The following KCNIP3 variants were observed in gnomAD, a reference collection of about 807,000 sequenced individuals.
The protein encoded by KCNIP3 is calsenilin.
A neutral mutation model predicts 35.0 loss-of-function variants in KCNIP3; 28 were observed. The ratio of observed to expected loss-of-function variants is 0.80; its 90% CI spans 0.59 to 1.10. The LOEUF (loss-of-function observed/expected upper bound fraction) is 1.10. Among genes scored for constraint, KCNIP3 ranks in the 50% least tolerant of loss-of-function variants. The probability of loss-of-function intolerance (pLI) is 0.00; values close to 1 mark genes in which losing one functional copy is unlikely to be tolerated. For missense variants in KCNIP3, 295 were observed against 338.4 expected (o/e 0.87, Z 1.01); for synonymous variants, 134 against 133.8 (o/e 1.00, Z -0.01).
At chr2:95,315,735 C>T (rs773734883) in intron 2 of KCNIP3, among the ~76,000 whole-genome samples, 8 of 151,966 alleles carry the variant, frequency 5.3e-5, no homozygotes, top group South Asian at 2.1e-4. Flanking sequence ...AAGTCACCTC[C>T]GAAAGTTTTT....
rs940031260 is a variant in KCNIP3, at chr2:95,346,296, G to A, written c.182-28000G>A. Among the ~76,000 whole-genome samples, 35 of 151,650 alleles carry A rather than the reference G, an allele frequency of 2.3e-4. No individual in the cohort carries two copies. The East Asian group carries it at 2.4e-3, about 10-fold the overall frequency. On this transcript the variant is annotated intron_variant, in intron 2 of 8. Coordinates refer to ENST00000295225, the MANE Select transcript of KCNIP3 (RefSeq NM_013434.5). ...AGCGCCTCCCCGGGAGAGCGCAGCC[G>A]CCGCCCCCTCCTCTCGGGCTCCCGG...
rs1187969010 is a variant in KCNIP3, at chr2:95,378,779, TACACAC to T, written c.448-2805_448-2800del. Among the ~76,000 whole-genome samples, 1 of 148,302 alleles carries T rather than the reference TACACAC, an allele frequency of 6.7e-6. No homozygotes were observed. Among genetic ancestry groups the T allele is most frequent in the African/African-American group, 2.5e-5 (1 of 40,112 alleles). On this transcript the variant is annotated intron_variant, in intron 5 of 8. Transcript: ENST00000295225. The surrounding 1 kb of genome is among the most constrained non-coding windows in gnomAD (Gnocchi z 4.0). ...AACAAAAACAAAATATATATATATATACACACACACACACACATATATATATATACA... is the reference window on the plus strand; with the variant it reads ...AACAAAAACAAAATATATATATATATACACACACACATATATATATATACA...
chr2:95,372,199 G>C (rs1680056515), intron 2 of KCNIP3, among the ~76,000 whole-genome samples: 1 of 151,840 alleles, frequency 6.6e-6, no homozygotes, highest in Non-Finnish European at 1.5e-5. Flanking sequence ...TTAATCAAAG[G>C]ATTCTTACCA....
chr2:95,364,293 A>T (rs1199762765), intron 2 of KCNIP3, among the ~76,000 whole-genome samples: 3 of 152,130 alleles, frequency 2.0e-5, no homozygotes, highest in South Asian at 2.1e-4. Flanking sequence ...TAAGATTTTC[A>T]TGTGATTTTT....
At chr2:95,370,373 T>TA (rs1680014823) in intron 2 of KCNIP3, among the ~76,000 whole-genome samples, 1 of 152,248 alleles carries the variant, frequency 6.6e-6, no homozygotes, top group Non-Finnish European at 1.5e-5. Context: ...AGCATGCGCT[T>TA]ACTCAAGGAT....
chr2:95,382,599 A>G lies in KCNIP3; in HGVS notation c.660+118A>G, dbSNP rs2104309470. 1 of 633,164 alleles carries G rather than the reference A, an allele frequency of 1.6e-6. No homozygotes were observed. 39.2% of individuals were successfully genotyped at this position (633,164 alleles called of 1,614,324 possible). On this transcript the variant is annotated intron_variant, in intron 7 of 8. Coordinates refer to ENST00000295225, the MANE Select transcript of KCNIP3 (RefSeq NM_013434.5). The surrounding 1 kb of genome is among the most constrained non-coding windows in gnomAD (Gnocchi z 4.5). ...CTGAGCCTCCCTACTCCCCATGAGG[A>G]GGTTAAACTTGCCCCTCCAGTCTGG... is the stretch of plus-strand genomic sequence containing the variant.
At chr2:95,323,142 TGACTGGCGAGATG>T (rs375831146) in intron 2 of KCNIP3, among the ~76,000 whole-genome samples, 4 of 152,304 alleles carry the variant, frequency 2.6e-5, no homozygotes, top group African/African-American at 9.6e-5. Flanking sequence ...AAGGACGTGA[TGACTGGCGAGATG>T]GGCAGGGCAG....
chr2:95,360,312 T>C (rs1447922157), intron 2 of KCNIP3, among the ~76,000 whole-genome samples: 1 of 152,164 alleles, frequency 6.6e-6, no homozygotes, highest in Admixed American at 6.5e-5. Context: ...AATACCTTAT[T>C]CCTCAATTCC....
chr2:95,366,103 T>C (rs1203904970), intron 2 of KCNIP3, among the ~76,000 whole-genome samples: 3 of 152,160 alleles, frequency 2.0e-5, no homozygotes, highest in Admixed American at 6.5e-5. Context: ...CACCTCAGCC[T>C]CCTGAGAGGT....
chr2:95,317,181 G>T (rs1678478979), intron 2 of KCNIP3, among the ~76,000 whole-genome samples: 1 of 152,218 alleles, frequency 6.6e-6, no homozygotes, highest in Non-Finnish European at 1.5e-5. Context: ...CCTAGGCAGG[G>T]GACTGTGTGA....
chr2:95,356,834 C>T (rs1482731911), intron 2 of KCNIP3, among the ~76,000 whole-genome samples: 6 of 152,160 alleles, frequency 3.9e-5, no homozygotes, highest in East Asian at 1.9e-4. Context: ...ACTTCTTGCC[C>T]GAAATGACCC....
chr2:95,306,375 C>T (rs1185690702), intron 1 of KCNIP3, among the ~76,000 whole-genome samples: 2 of 152,182 alleles, frequency 1.3e-5, no homozygotes, highest in Non-Finnish European at 2.9e-5. Context: ...GTGAGGATCT[C>T]TTGGGTGCCA....
intron 2 of KCNIP3, among the ~76,000 whole-genome samples, chr2:95,315,725 A>C (rs747939905): frequency 6.6e-6 from 1 of 152,020 alleles, no homozygotes; most frequent in Admixed American, 6.6e-5. Context: ...CTCTGTCTAT[A>C]AGTCACCTCC....
At chr2:95,330,113 G>T (rs549828824) in intron 2 of KCNIP3, among the ~76,000 whole-genome samples, 1 of 152,228 alleles carries the variant, frequency 6.6e-6, no homozygotes, top group African/African-American at 2.4e-5. Flanking sequence ...TAATTGAGTT[G>T]CAGGGCTGGG....
At chr2:95,342,434 G>A (rs1418681935) in intron 2 of KCNIP3, among the ~76,000 whole-genome samples, 1 of 152,210 alleles carries the variant, frequency 6.6e-6, no homozygotes, top group East Asian at 1.9e-4. Context: ...TCTTAGGACT[G>A]TGGTCTTTGT....
intron 2 of KCNIP3, among the ~76,000 whole-genome samples, chr2:95,341,939 GA>G (rs1013208894): frequency 5.3e-5 from 8 of 152,334 alleles, no homozygotes; most frequent in Non-Finnish European, 1.0e-4. Context: ...TGCAAGGAGG[GA>G]AAAGGACGGG....
intron 1 of KCNIP3, among the ~76,000 whole-genome samples, chr2:95,299,482 G>T (rs1317454467): frequency 1.3e-5 from 2 of 152,158 alleles, no homozygotes; most frequent in Admixed American, 6.5e-5. Context: ...CTACTCCCCA[G>T]CCATTCATGA....
At chr2:95,322,715 C>T (rs1259878981) in intron 2 of KCNIP3, among the ~76,000 whole-genome samples, 1 of 152,184 alleles carries the variant, frequency 6.6e-6, no homozygotes, top group African/African-American at 2.4e-5. Flanking sequence ...GATGTCTATC[C>T]CGTGATTTCT....
intron 1 of KCNIP3, among the ~76,000 whole-genome samples, chr2:95,298,484 G>T (rs1357139185): frequency 6.6e-6 from 1 of 152,112 alleles, no homozygotes; most frequent in South Asian, 2.1e-4. Context: ...AAGGGCAAAA[G>T]GACCCAGAGA....
Sources: allele counts gnomAD v4.1 joint callset (sites outside exome capture counted in the v4.1 genomes callset), GRCh38; gene constraint gnomAD v4.1.1; non-coding constraint Gnocchi (gnomAD v3.1); transcripts MANE v1.5; gene names NCBI Gene and HGNC (gene_info 2026-07-23, HGNC 2026-07-21).